The following ADGRV1 variants were observed in gnomAD, a reference collection of about 807,000 sequenced individuals.
The protein encoded by ADGRV1 is G-protein coupled receptor 98.
A neutral mutation model predicts 596.2 loss-of-function variants in ADGRV1; 359 were observed. The observed-to-expected ratio is 0.60, with a 90% CI of 0.55 to 0.66. The LOEUF (loss-of-function observed/expected upper bound fraction) is 0.66. ADGRV1 is among the 30% of genes least tolerant of loss of function. The pLI is 0.00. For synonymous variants in ADGRV1, 2,681 were observed against 2,679.2 expected (o/e 1.00, Z -0.02); for missense variants, 7,274 against 7,575.6 (o/e 0.96, Z 1.48).
chr5:90,785,030 C>T (rs967337647), intron 67 of ADGRV1, among the ~76,000 whole-genome samples: 1 of 152,102 alleles, frequency 6.6e-6, no homozygotes, highest in African/African-American at 2.4e-5. Flanking sequence ...TACTACAAGG[C>T]TACAGTAACC....
At chr5:90,847,516 A>G (rs1035141832) in intron 78 of ADGRV1, among the ~76,000 whole-genome samples, 2 of 152,202 alleles carry the variant, frequency 1.3e-5, no homozygotes, top group African/African-American at 2.4e-5. Context: ...CTGTGTGCCC[A>G]CACTCCTCAG....
At chr5:91,075,800 T>A (rs1261295481) in intron 86 of ADGRV1, among the ~76,000 whole-genome samples, 1 of 151,836 alleles carries the variant, frequency 6.6e-6, no homozygotes, top group South Asian at 2.1e-4. Context: ...GTTTCTCTCA[T>A]TGCCCCAAAA....
chr5:91,104,121 A>G (rs1214591075), intron 87 of ADGRV1, among the ~76,000 whole-genome samples: 1 of 151,812 alleles, frequency 6.6e-6, no homozygotes, highest in Non-Finnish European at 1.5e-5. Flanking sequence ...TTTGAATGGG[A>G]TGACATGTTT....
At chr5:91,162,232 A>G (rs926763818) in intron 89 of ADGRV1, among the ~76,000 whole-genome samples, 29 of 152,328 alleles carry the variant, frequency 1.9e-4, no homozygotes, top group South Asian at 8.3e-4. Context: ...TGTACTGAGC[A>G]CTGTCCTATG....
intron 45 of ADGRV1, among the ~76,000 whole-genome samples, chr5:90,721,513 A>ATAAAG (rs1750946283): frequency 1.0e-5 from 1 of 100,058 alleles, no homozygotes; most frequent in African/African-American, 5.7e-5. Context: ...AAAAAATAAA[A>ATAAAG]TAAAATAAAA....
At chr5:90,988,653 T>TA (rs1245149876) in intron 85 of ADGRV1, among the ~76,000 whole-genome samples, 1 of 152,178 alleles carries the variant, frequency 6.6e-6, no homozygotes, top group Non-Finnish European at 1.5e-5. Flanking sequence ...CTTTTTTTTT[T>TA]ATTATACTTT....
Position 90,642,974 on chromosome 5 carries a change from T to G in ADGRV1, c.2486T>G (p.Leu829Arg). The G allele has an allele frequency of 6.2e-7, 1 of 1,613,640 alleles. No individual in the cohort carries two copies. The highest frequency in any genetic ancestry group is 8.5e-7 in the Non-Finnish European group (1 of 1,179,632). The change falls in exon 13 of 90, where the codon CTA (leucine) becomes CGA (arginine). Residue 829 changes from leucine to arginine, a missense_variant. Leu to Arg is a moderately radical substitution (Grantham distance 102). This residue lies in a region of ADGRV1 where 1,715 missense variants were observed against 1,708.8 expected (regional missense o/e 1.00). Transcript: ENST00000405460. ...GAATTCTATGGAAACACGGGAGTAC[T>G]AGAATTTAAACCTGGAGAAAGGGAG... ...SNEFYGNTGV[L>R]EFKPGEREIV... is the part of the protein sequence containing the mutation.
chr5:90,681,609 C>T (rs74937754), intron 27 of ADGRV1, among the ~76,000 whole-genome samples, 155 bp downstream of exon 27: 1,888 of 152,170 alleles, frequency 0.012, 34 homozygotes, highest in African/African-American at 0.043. Context: ...ATCAAACAGT[C>T]GTTTGGCATT....
Position 91,100,294 on chromosome 5 carries a change from C to G in ADGRV1, c.18311-1925C>G, listed in dbSNP as rs145747070. ...AAAATTAAGTGGGCGTGGTGGCATG[C>G]GCCTATAGTTTCAGCTACTTGGGAG... is the stretch of plus-strand genomic sequence containing the variant. On this transcript the variant is annotated intron_variant, in intron 86 of 89. Transcript: ENST00000405460. Among the ~76,000 whole-genome samples, 481 of 152,128 alleles carry G rather than the reference C, an allele frequency of 3.2e-3. 3 individuals carry two copies. Among genetic ancestry groups the G allele is most frequent in the Admixed American group, 6.0e-3 (91 of 15,284 alleles).
chr5:91,161,447 G>C (rs565887049), intron 89 of ADGRV1, among the ~76,000 whole-genome samples: 1 of 149,142 alleles, frequency 6.7e-6, no homozygotes, highest in Non-Finnish European at 1.5e-5. Flanking sequence ...TTTTTGTTTT[G>C]TTTTGTAATG....
intron 83 of ADGRV1, among the ~76,000 whole-genome samples, chr5:90,905,180 A>G (rs1413668558): frequency 1.3e-5 from 2 of 152,010 alleles, no homozygotes; most frequent in African/African-American, 4.8e-5. Flanking sequence ...TAATTCCCCT[A>G]GTTTTGTTCT....
At chr5:91,044,314 T>C (rs998450031) in intron 85 of ADGRV1, among the ~76,000 whole-genome samples, 21 of 152,260 alleles carry the variant, frequency 1.4e-4, no homozygotes, top group African/African-American at 4.8e-4. Flanking sequence ...ATTTTCAGTA[T>C]AAATGAAGTA....
intron 89 of ADGRV1, among the ~76,000 whole-genome samples, chr5:91,157,378 C>T (rs1377157489): frequency 6.6e-6 from 1 of 152,296 alleles, no homozygotes; most frequent in South Asian, 2.1e-4. Context: ...TTGTTTGAAA[C>T]TAACCCAAAG....
chr5:90,959,080 G>A (rs1777750381), intron 83 of ADGRV1, among the ~76,000 whole-genome samples: 1 of 152,052 alleles, frequency 6.6e-6, no homozygotes, highest in South Asian at 2.1e-4. Context: ...GAGATGACAT[G>A]ATCCTATATT....
intron 83 of ADGRV1, among the ~76,000 whole-genome samples, chr5:90,932,383 G>A (rs891649918): frequency 6.6e-6 from 1 of 152,066 alleles, no homozygotes; most frequent in African/African-American, 2.4e-5. Flanking sequence ...CTCATCTTTT[G>A]TGTTTTTGTT....
chr5:91,100,564 A>T (rs1318689162), intron 86 of ADGRV1, among the ~76,000 whole-genome samples: 1 of 152,236 alleles, frequency 6.6e-6, no homozygotes, highest in African/African-American at 2.4e-5. Flanking sequence ...ATGCTAAATA[A>T]GCAGGAATAT....
intron 1 of ADGRV1, among the ~76,000 whole-genome samples, chr5:90,609,296 A>G (rs373683992): frequency 6.6e-6 from 1 of 152,030 alleles, no homozygotes; most frequent in South Asian, 2.1e-4. Context: ...ACATGCATAT[A>G]TAAGTTATTT....
At chr5:90,658,879 C>G (rs1208555699) in intron 21 of ADGRV1, among the ~76,000 whole-genome samples, 1 of 152,170 alleles carries the variant, frequency 6.6e-6, no homozygotes, top group Non-Finnish European at 1.5e-5. Flanking sequence ...ACTCATGAAA[C>G]TACTTCCCAG....
chr5:91,013,445 G>T (rs1215400174), intron 85 of ADGRV1, among the ~76,000 whole-genome samples: 2 of 152,010 alleles, frequency 1.3e-5, no homozygotes, highest in East Asian at 1.9e-4. Flanking sequence ...GTTTTGATTT[G>T]CATTTCTCTA....
Sources: allele counts gnomAD v4.1 joint callset (sites outside exome capture counted in the v4.1 genomes callset), GRCh38; gene constraint gnomAD v4.1.1; regional missense constraint gnomAD v4.1.1; transcripts MANE v1.5; gene names NCBI Gene and HGNC (gene_info 2026-07-23, HGNC 2026-07-21).